The following MAPRE2 variants were observed in gnomAD, a reference collection of about 807,000 sequenced individuals.
MAPRE2 encodes the protein microtubule associated protein RP/EB family member 2.
In MAPRE2, 13 loss-of-function variants were observed where a neutral mutation model predicts 43.2. The ratio of observed to expected loss-of-function variants is 0.30; its 90% CI spans 0.20 to 0.48. The LOEUF (loss-of-function observed/expected upper bound fraction) is 0.48. MAPRE2 is among the 20% of genes least tolerant of loss of function. The pLI is 0.99. For synonymous variants in MAPRE2, 135 were observed against 148.8 expected, an observed-to-expected ratio of 0.91 and a Z score of 0.68; for missense variants, 161 against 400.2, an observed-to-expected ratio of 0.40 and a Z score of 5.10.
At chr18:35,129,123 C>T (rs1194869038) in intron 5 of MAPRE2, among the ~76,000 whole-genome samples, 1 of 152,236 alleles carries the variant, frequency 6.6e-6, no homozygotes, top group African/African-American at 2.4e-5. Context: ...TTTCTGCCCC[C>T]AACACCTTCA....
chr18:35,087,800 G>T (rs1907946284), intron 2 of MAPRE2, among the ~76,000 whole-genome samples: 1 of 152,204 alleles, frequency 6.6e-6, no homozygotes, highest in Non-Finnish European at 1.5e-5. Flanking sequence ...GTTTTATGCT[G>T]CTATAACAGA....
chr18:35,032,091 TG>T (rs1473888728), intron 2 of MAPRE2, among the ~76,000 whole-genome samples: 1 of 152,172 alleles, frequency 6.6e-6, no homozygotes, highest in Non-Finnish European at 1.5e-5. Context: ...GCTATCATTT[TG>T]GGTGTGGAGC....
chr18:35,034,673 C>A (rs1332667993), intron 2 of MAPRE2, among the ~76,000 whole-genome samples: 2 of 152,000 alleles, frequency 1.3e-5, no homozygotes, highest in African/African-American at 2.4e-5. Context: ...AAGAAAAAAA[C>A]AAACAACCCC....
Position 35,140,502 on chromosome 18 carries a change from A to G in MAPRE2, c.*133A>G, listed in dbSNP as rs541171743. On this transcript the variant is annotated 3_prime_UTR_variant, in exon 7 of 7. Coordinates refer to ENST00000300249, the MANE Select transcript of MAPRE2 (RefSeq NM_014268.4). ...GCCGTTACCATCAACGCACTGTTGCATATGCCAGCCACTGCGCTTGGTTCC... is the reference window on the plus strand; with the variant it reads ...GCCGTTACCATCAACGCACTGTTGCGTATGCCAGCCACTGCGCTTGGTTCC... 24 of 870,946 alleles carry G rather than the reference A, an allele frequency of 2.8e-5. No homozygotes were observed. The highest frequency in any genetic ancestry group is 2.3e-4 in the Middle Eastern group (1 of 4,392). 54.0% of individuals were successfully genotyped at this position (870,946 alleles called of 1,614,324 possible). A position where few individuals can be genotyped will look rare whatever the true frequency, so the allele number is the denominator to read the frequency against.
Position 34,978,295 on chromosome 18 carries a change from T to G in MAPRE2, c.-70+1216T>G. On this transcript the variant is annotated intron_variant, in intron 1 of 7. Transcript: ENST00000413393. ...ACTAAAAATACTATCGTGCTGTCAA[T>G]GTAGAATGAAGGGTTAAGCGCTCAA... 3.3e-6 allele frequency: 2 copies of G among 611,226 alleles called. 1 individual carries two copies. Among genetic ancestry groups the G allele is most frequent in the South Asian group, 4.0e-5 (2 of 50,146 alleles). 37.9% of individuals were successfully genotyped at this position (611,226 alleles called of 1,614,324 possible). A position where few individuals can be genotyped will look rare whatever the true frequency, so the allele number is the denominator to read the frequency against.
intron 2 of MAPRE2, among the ~76,000 whole-genome samples, chr18:35,093,624 A>G (rs1334867854): frequency 6.6e-6 from 1 of 152,234 alleles, no homozygotes; most frequent in Non-Finnish European, 1.5e-5. Flanking sequence ...GGCCACATGG[A>G]TGAACGTGGA....
intron 2 of MAPRE2, among the ~76,000 whole-genome samples, chr18:35,076,842 T>C (rs974886568): frequency 1.3e-5 from 2 of 152,212 alleles, no homozygotes; most frequent in Non-Finnish European, 2.9e-5. Flanking sequence ...TTTTAAATAC[T>C]AAAGCCAAAC....
At chr18:35,138,110 A>G (rs1910469703) in intron 6 of MAPRE2, among the ~76,000 whole-genome samples, 1 of 152,216 alleles carries the variant, frequency 6.6e-6, no homozygotes, top group African/African-American at 2.4e-5. Context: ...TGAGAGGACC[A>G]GCCTCACATG....
intron 1 of MAPRE2, among the ~76,000 whole-genome samples, chr18:35,060,253 G>A (rs1471019257): frequency 6.6e-6 from 1 of 152,134 alleles, no homozygotes. Flanking sequence ...TAAACAGAAG[G>A]CATATGGTCA....
rs540575662 is a variant in MAPRE2, at chr18:35,077,252, C to T, written c.250+6930C>T. The stretch of plus-strand genomic sequence containing the variant: ...AGATACGCGCGCGTGCGCGCGCGCA[C>T]ACACACACACACACACACATACACA... On this transcript the variant is annotated intron_variant, in intron 2 of 6. Coordinates refer to ENST00000300249, the MANE Select transcript of MAPRE2 (RefSeq NM_014268.4). Among the ~76,000 whole-genome samples the T allele has an allele frequency of 7.1e-3, 660 of 93,022 alleles. 6 individuals carry two copies. The highest frequency in any genetic ancestry group is 0.055 in the African/African-American group (634 of 11,618). The allele number at this position is 93,022 out of a possible 152,430, so 61.0% of individuals were successfully genotyped here. A position where few individuals can be genotyped will look rare whatever the true frequency, so the allele number is the denominator to read the frequency against.
At chr18:35,060,452 T>A (rs1054157130) in intron 1 of MAPRE2, among the ~76,000 whole-genome samples, 1 of 152,200 alleles carries the variant, frequency 6.6e-6, no homozygotes, top group African/African-American at 2.4e-5. Context: ...TATAATCAGC[T>A]GCATTTCTGA....
intron 1 of MAPRE2, among the ~76,000 whole-genome samples, chr18:34,985,677 ATATATAT>A (rs1467304469): frequency 4.2e-4 from 30 of 70,786 alleles, no homozygotes; most frequent in African/African-American, 1.3e-3. Flanking sequence ...TAATATATAA[ATATATAT>A]TATATAATAT....
intron 2 of MAPRE2, among the ~76,000 whole-genome samples, chr18:35,090,731 C>CAAAAA (rs56812109): frequency 3.6e-5 from 4 of 110,332 alleles, no homozygotes; most frequent in Admixed American, 9.2e-5. Context: ...GATTCGGTCT[C>CAAAAA]AAAAAAAAAA....
At chr18:35,104,991 C>T (rs931980040) in intron 4 of MAPRE2, among the ~76,000 whole-genome samples, 9 of 152,000 alleles carry the variant, frequency 5.9e-5, no homozygotes, top group Non-Finnish European at 1.2e-4. Flanking sequence ...TTTTCTTCCA[C>T]GATCATAACC....
At chr18:35,068,471 C>T (rs1906945259) in intron 1 of MAPRE2, among the ~76,000 whole-genome samples, 2 of 152,176 alleles carry the variant, frequency 1.3e-5, no homozygotes, top group Non-Finnish European at 2.9e-5. Context: ...GGTATAATTT[C>T]AATGGATTGA....
chr18:35,010,124 C>T (rs191155850), intron 2 of MAPRE2, among the ~76,000 whole-genome samples: 46 of 152,250 alleles, frequency 3.0e-4, no homozygotes, highest in Middle Eastern at 6.8e-3. Flanking sequence ...TGGTAGGTCA[C>T]GCCTGTAATC....
chr18:35,012,224 A>T (rs548517598), intron 2 of MAPRE2, among the ~76,000 whole-genome samples: 4 of 152,324 alleles, frequency 2.6e-5, no homozygotes, highest in South Asian at 4.1e-4. Flanking sequence ...GTTAAAAAAG[A>T]TATAGATATA....
At position 35,090,577 on chromosome 18, in the gene MAPRE2, C is replaced by G. The variant is rs619799; in HGVS notation, c.251-6869C>G. 2.8e-3 allele frequency among the ~76,000 whole-genome samples: 423 copies of G among 151,718 alleles called. 3 individuals carry two copies. Among genetic ancestry groups the G allele is most frequent in the African/African-American group, 1.0e-2 (413 of 41,396 alleles). On this transcript the variant is annotated intron_variant, in intron 2 of 6. Coordinates refer to ENST00000300249, the MANE Select transcript of MAPRE2 (RefSeq NM_014268.4). ...TGAAACCCTGTCTCCACTAAAAATA[C>G]AAAAATGAGCCAGTTGTGGTGGTGG...
At chr18:35,038,667 C>T (rs141702626), upstream of MAPRE2, among the ~76,000 whole-genome samples, 9 of 152,320 alleles carry the variant, frequency 5.9e-5, no homozygotes, top group South Asian at 1.2e-3. Context: ...TTTCCTACAT[C>T]GTACCATTCC....
Sources: allele counts gnomAD v4.1 joint callset (sites outside exome capture counted in the v4.1 genomes callset), GRCh38; gene constraint gnomAD v4.1.1; transcripts MANE v1.5; gene names NCBI Gene and HGNC (gene_info 2026-07-23, HGNC 2026-07-21).